CEP128: variants seen among roughly 807,000 people sequenced by gnomAD.
The protein encoded by CEP128 is centrosomal protein 128, also known as centrosomal protein 128kDa.
A neutral mutation model predicts 156.7 loss-of-function variants in CEP128; 132 were observed. The ratio of observed to expected loss-of-function variants is 0.84; its 90% CI spans 0.73 to 0.97. The LOEUF is 0.97. Among genes scored for constraint, CEP128 ranks in the 50% least tolerant of loss-of-function variants. The probability of loss-of-function intolerance (pLI) is 0.00; values close to 1 mark genes in which losing one functional copy is unlikely to be tolerated. For synonymous variants in CEP128, 469 were observed against 448.9 expected, an observed-to-expected ratio of 1.04 and a Z score of -0.57; for missense variants, 1,252 against 1,281.9, an observed-to-expected ratio of 0.98 and a Z score of 0.36.
chr14:80,731,281 A>T (rs1334403706), intron 19 of CEP128, among the ~76,000 whole-genome samples: 2 of 152,164 alleles, frequency 1.3e-5, no homozygotes, highest in Non-Finnish European at 2.9e-5. Context: ...GTCTGCTCCC[A>T]TCTGTAACTG....
intron 20 of CEP128, among the ~76,000 whole-genome samples, chr14:80,571,386 C>A (rs867927446): frequency 9.9e-5 from 15 of 152,180 alleles, no homozygotes; most frequent in Middle Eastern, 3.4e-3. Flanking sequence ...ACTTTATGGG[C>A]AAATACAGAA....
At chr14:80,706,435 GTGTA>G (rs1330995090) in intron 19 of CEP128, among the ~76,000 whole-genome samples, 4 of 152,022 alleles carry the variant, frequency 2.6e-5, no homozygotes, top group Non-Finnish European at 5.9e-5. Flanking sequence ...GTGTGTGTGT[GTGTA>G]TGTGTGTGTG....
chr14:80,662,745 C>T (rs377317831), intron 19 of CEP128, among the ~76,000 whole-genome samples: 2 of 152,154 alleles, frequency 1.3e-5, no homozygotes, highest in Admixed American at 6.6e-5. Flanking sequence ...ATTAGACATG[C>T]TCCTTGTGGT....
At chr14:80,546,280 C>T (rs1304557114) in intron 21 of CEP128, among the ~76,000 whole-genome samples, 1 of 152,132 alleles carries the variant, frequency 6.6e-6, no homozygotes, top group Non-Finnish European at 1.5e-5. Context: ...AGAATTAGTC[C>T]CATTTCCTAG....
rs1249915691 is a variant in CEP128 at position 80,751,737 on chromosome 14, C to G, written c.2613+5155G>C. Among the ~76,000 whole-genome samples the G allele has an allele frequency of 4.0e-5, 6 of 151,150 alleles. No homozygotes were observed. The East Asian group carries it at 9.8e-4, about 25-fold the overall frequency. ...CTTTGCCTCCTGGGTTGAAGCGATT[C>G]TCCTGCCTCAGCAACCGAAGTAGCT... On this transcript the variant is annotated intron_variant, in intron 18 of 24. Coordinates refer to ENST00000555265, the MANE Select transcript of CEP128 (RefSeq NM_152446.5).
At chr14:80,647,616 G>C (rs1390292909) in intron 19 of CEP128, among the ~76,000 whole-genome samples, 2 of 152,012 alleles carry the variant, frequency 1.3e-5, no homozygotes, top group East Asian at 3.9e-4. Context: ...GTCTCCAACA[G>C]GGGAGATTTG....
intron 4 of CEP128, among the ~76,000 whole-genome samples, chr14:80,910,534 C>G (rs1255803997): frequency 6.6e-6 from 1 of 152,194 alleles, no homozygotes; most frequent in Non-Finnish European, 1.5e-5. Context: ...TTCCCCTTTG[C>G]CTTCCACCAT....
downstream of CEP128, among the ~76,000 whole-genome samples, chr14:80,489,267 T>TA (rs35135843): frequency 6.5e-4 from 70 of 108,000 alleles, 2 homozygotes; most frequent in East Asian, 2.8e-3. Context: ...TTGTAAAAGC[T>TA]AAAAAAAAAA....
At chr14:80,538,590 A>G (rs1889593360) in intron 21 of CEP128, among the ~76,000 whole-genome samples, 1 of 152,166 alleles carries the variant, frequency 6.6e-6, no homozygotes, top group African/African-American at 2.4e-5. Context: ...CCATCTATCC[A>G]TCACTCTGTC....
At chr14:80,483,408 T>C (rs1003964258) in intron 14 of CEP128, among the ~76,000 whole-genome samples, 4 of 152,236 alleles carry the variant, frequency 2.6e-5, no homozygotes, top group African/African-American at 9.6e-5. Flanking sequence ...TCATGCTCAG[T>C]AAATTAGTTG....
At position 80,779,075 on chromosome 14, in the gene CEP128, T is replaced by C. The variant is rs144389808; in HGVS notation, c.2212-1029A>G. On this transcript the variant is annotated intron_variant, in intron 15 of 24. Transcript: ENST00000555265. ...CCACACTTCCTCCCAAAAGGTACAA[T>C]ATCATTAGGTTTTAAAAACCAACTG... is the stretch of plus-strand genomic sequence containing the variant. Among the ~76,000 whole-genome samples, 846 of 152,308 alleles carry C rather than the reference T, an allele frequency of 5.6e-3. 5 individuals carry two copies. Among genetic ancestry groups the C allele is most frequent in the African/African-American group, 0.019 (785 of 41,580 alleles).
intron 19 of CEP128, among the ~76,000 whole-genome samples, chr14:80,728,952 T>G (rs1449777773): frequency 6.6e-6 from 1 of 152,196 alleles, no homozygotes; most frequent in East Asian, 1.9e-4. Context: ...AGGTTCACGC[T>G]GAGCCCTTTT....
At chr14:80,679,595 C>T (rs1038867194) in intron 19 of CEP128, among the ~76,000 whole-genome samples, 1 of 152,170 alleles carries the variant, frequency 6.6e-6, no homozygotes, top group Non-Finnish European at 1.5e-5. Context: ...TGTTAAGATG[C>T]TTATCAAGGC....
At chr14:80,683,996 G>A (rs1896425731) in intron 19 of CEP128, among the ~76,000 whole-genome samples, 2 of 152,062 alleles carry the variant, frequency 1.3e-5, no homozygotes, top group African/African-American at 4.8e-5. Flanking sequence ...CAAAAAGTTA[G>A]AAAGATCTCA....
intron 8 of CEP128, among the ~76,000 whole-genome samples, chr14:80,882,596 T>C (rs944154698): frequency 6.6e-6 from 1 of 152,162 alleles, no homozygotes; most frequent in African/African-American, 2.4e-5. Context: ...AGGTAATCAG[T>C]GTATCAGACA....
intron 14 of CEP128, among the ~76,000 whole-genome samples, chr14:80,790,521 A>T (rs1397600616): frequency 1.3e-5 from 2 of 152,020 alleles, no homozygotes; most frequent in Admixed American, 6.6e-5. Flanking sequence ...CAATTCCCTG[A>T]TGTAAATATC....
Position 80,742,600 on chromosome 14 carries a change from A to G in CEP128, c.2806+475T>C, listed in dbSNP as rs1898887663. Among the ~76,000 whole-genome samples, 4 of 152,220 alleles carry G rather than the reference A, an allele frequency of 2.6e-5. No homozygotes were observed. In the South Asian group the frequency reaches 8.3e-4, roughly 32 times the overall value. On this transcript the variant is annotated intron_variant, in intron 19 of 24. Transcript: ENST00000555265. ...ACCACTATGATTACAACGTTCTAAT[A>G]TATTATATAATGTATCTATTTGTAA...
intron 19 of CEP128, among the ~76,000 whole-genome samples, chr14:80,612,386 A>G (rs1488846188): frequency 6.6e-6 from 1 of 152,236 alleles, no homozygotes; most frequent in Non-Finnish European, 1.5e-5. Flanking sequence ...TAGGAATAGT[A>G]TGAACAAATA....
chr14:80,915,778 T>C (rs1884512787), intron 3 of CEP128, among the ~76,000 whole-genome samples: 1 of 152,322 alleles, frequency 6.6e-6, no homozygotes, highest in Non-Finnish European at 1.5e-5. Context: ...GATATTTTAT[T>C]TGGAAATACT....
Sources: allele counts gnomAD v4.1 joint callset (sites outside exome capture counted in the v4.1 genomes callset), GRCh38; gene constraint gnomAD v4.1.1; transcripts MANE v1.5; gene names NCBI Gene and HGNC (gene_info 2026-07-23, HGNC 2026-07-21).